SPSB4: variants seen among roughly 807,000 people sequenced by gnomAD.
SPSB4 encodes splA/ryanodine receptor domain and SOCS box containing 4, also known as SPRY domain-containing SOCS box protein 4.
In SPSB4, 21 loss-of-function variants were observed where a neutral mutation model predicts 20.9. That is an observed-to-expected ratio of 1.01 (90% CI 0.71 to 1.45). The LOEUF (loss-of-function observed/expected upper bound fraction) is 1.45, where lower values mean the gene tolerates loss of function less well. Among genes scored for constraint, SPSB4 ranks in the 40% most tolerant of loss-of-function variants. The probability of loss-of-function intolerance (pLI) is 0.00; values close to 1 mark genes in which losing one functional copy is unlikely to be tolerated. For synonymous variants in SPSB4, 207 were observed against 183.8 expected (o/e 1.13, Z -1.02); for missense variants, 399 against 399.2 (o/e 1.00, Z 0.00).
At chr3:141,139,996 C>T (rs1171136344) in intron 2 of SPSB4, among the ~76,000 whole-genome samples, 3 of 152,104 alleles carry the variant, frequency 2.0e-5, no homozygotes, top group Non-Finnish European at 4.4e-5. Context: ...TTGGTCTTTT[C>T]ACATAGTCCC....
At chr3:141,132,073 G>T in intron 2 of SPSB4, 1 of 213,656 alleles carries the variant, frequency 4.7e-6, no homozygotes, top group Non-Finnish European at 9.7e-6. Context: ...AGTCTTTAGT[G>T]GTGATTTATG....
chr3:141,137,385 G>A (rs566421445), intron 2 of SPSB4, among the ~76,000 whole-genome samples: 322 of 152,310 alleles, frequency 2.1e-3, no homozygotes, highest in African/African-American at 7.6e-3. Flanking sequence ...AATAGGAGTG[G>A]TGAGAGAGGG....
intron 2 of SPSB4, among the ~76,000 whole-genome samples, chr3:141,146,508 G>A (rs1247924034): frequency 6.6e-6 from 1 of 152,172 alleles, no homozygotes; most frequent in Non-Finnish European, 1.5e-5. Flanking sequence ...CGGGCGCGGT[G>A]GCTCACGCCT....
chr3:141,080,830 T>A (rs1938216433), intron 2 of SPSB4, among the ~76,000 whole-genome samples: 1 of 152,244 alleles, frequency 6.6e-6, no homozygotes, highest in Admixed American at 6.5e-5. Context: ...AAAAGCATAC[T>A]CAACCTGAAC....
intron 2 of SPSB4, among the ~76,000 whole-genome samples, chr3:141,075,558 C>T (rs993346696): frequency 2.6e-5 from 4 of 152,114 alleles, no homozygotes; most frequent in Non-Finnish European, 5.9e-5. Flanking sequence ...TTCAAGCCAC[C>T]TGGTGACCTT....
intron 2 of SPSB4, among the ~76,000 whole-genome samples, chr3:141,114,368 C>A (rs1938852671): frequency 6.6e-6 from 1 of 152,192 alleles, no homozygotes; most frequent in African/African-American, 2.4e-5. Flanking sequence ...CGTGACAAAT[C>A]CTTAAGAGCT....
intron 1 of SPSB4, among the ~76,000 whole-genome samples, chr3:141,063,078 A>G (rs973971619): frequency 2.6e-5 from 4 of 152,182 alleles, no homozygotes; most frequent in Admixed American, 6.5e-5. Context: ...TCGGTCTTCA[A>G]TTGTGGATCG....
chr3:141,094,330 T>G (rs1938511216), intron 2 of SPSB4, among the ~76,000 whole-genome samples: 3 of 152,066 alleles, frequency 2.0e-5, no homozygotes, highest in Admixed American at 6.6e-5. Context: ...AATGAATGAG[T>G]CATTGCATTT....
At chr3:141,072,193 G>T (rs984882392) in intron 2 of SPSB4, among the ~76,000 whole-genome samples, 3 of 152,198 alleles carry the variant, frequency 2.0e-5, no homozygotes, top group Non-Finnish European at 2.9e-5. Context: ...GCATCTGCAG[G>T]GTTCACTCAT....
chr3:141,090,283 AG>A (rs1230526847), intron 2 of SPSB4, among the ~76,000 whole-genome samples: 1 of 152,250 alleles, frequency 6.6e-6, no homozygotes, highest in Non-Finnish European at 1.5e-5. Context: ...ACAAAACAGC[AG>A]GGACAAAACG....
chr3:141,089,970 G>A (rs1412183930), intron 2 of SPSB4, among the ~76,000 whole-genome samples: 1 of 152,050 alleles, frequency 6.6e-6, no homozygotes, highest in Non-Finnish European at 1.5e-5. Flanking sequence ...ACTTGTCTTG[G>A]TTGGTGTTGG....
chr3:141,143,321 G>A (rs1939366929), intron 2 of SPSB4, among the ~76,000 whole-genome samples: 1 of 152,196 alleles, frequency 6.6e-6, no homozygotes, highest in African/African-American at 2.4e-5. Context: ...ACCTTGATGT[G>A]GTACTCTCCT....
intron 2 of SPSB4, among the ~76,000 whole-genome samples, chr3:141,124,594 A>C (rs950815067): frequency 2.6e-5 from 4 of 152,148 alleles, no homozygotes; most frequent in African/African-American, 9.7e-5. Context: ...AGTCAGGAAG[A>C]TAGAAAGGAT....
At chr3:141,141,670 G>C (rs9821907) in intron 2 of SPSB4, among the ~76,000 whole-genome samples, 15,614 of 152,010 alleles carry the variant, frequency 0.1, 779 homozygotes, top group Middle Eastern at 0.18. Flanking sequence ...GAATCCATCT[G>C]GTCCTTGACT....
intron 2 of SPSB4, among the ~76,000 whole-genome samples, chr3:141,071,495 T>G (rs1331461178): frequency 6.6e-6 from 1 of 152,036 alleles, no homozygotes; most frequent in South Asian, 2.1e-4. Flanking sequence ...TTTTTTCTTT[T>G]CGTCGCAATA....
intron 2 of SPSB4, among the ~76,000 whole-genome samples, chr3:141,138,768 T>C (rs1368266508): frequency 6.6e-6 from 1 of 152,222 alleles, no homozygotes; most frequent in Non-Finnish European, 1.5e-5. Context: ...TGTGGTCAAT[T>C]TTGGAATAGG....
intron 2 of SPSB4, among the ~76,000 whole-genome samples, chr3:141,126,682 C>T (rs1034407900): frequency 2.6e-5 from 4 of 152,180 alleles, no homozygotes; most frequent in Admixed American, 1.3e-4. Flanking sequence ...TAATCCTTTC[C>T]GTAGGTTACC....
intron 2 of SPSB4, among the ~76,000 whole-genome samples, chr3:141,119,815 A>G (rs1344396542): frequency 6.6e-6 from 1 of 151,810 alleles, no homozygotes; most frequent in Non-Finnish European, 1.5e-5. Context: ...CTTCTTTATT[A>G]GTTTTGCTAG....
intron 2 of SPSB4, among the ~76,000 whole-genome samples, chr3:141,146,906 C>T (rs1035911082): frequency 4.1e-4 from 62 of 152,144 alleles, no homozygotes; most frequent in African/African-American, 1.5e-3. Flanking sequence ...TGGCTGGTCA[C>T]CACCCATTGA....
Sources: gnomAD v4.1 joint callset for allele counts (sites outside exome capture counted in the v4.1 genomes callset) on GRCh38, gnomAD v4.1.1 for gene constraint, MANE v1.5 for transcripts, NCBI Gene and HGNC (gene_info 2026-07-23, HGNC 2026-07-21) for gene names.